AK5: variants seen among roughly 807,000 people sequenced by gnomAD.
AK5 encodes the protein adenylate kinase isoenzyme 5.
In AK5, 27 loss-of-function variants were observed where a neutral mutation model predicts 69.5. That is an observed-to-expected ratio of 0.39 (90% CI 0.29 to 0.54). The LOEUF (loss-of-function observed/expected upper bound fraction) is 0.54. Ranked by LOEUF, AK5 falls within the 20% of genes least tolerant of loss-of-function variation. The pLI is 0.71. For missense variants in AK5, 531 were observed against 700.4 expected (o/e 0.76, Z 2.73); for synonymous variants, 260 against 244.4 (o/e 1.06, Z -0.60).
chr1:77,390,551 C>T (rs1648352986), intron 6 of AK5, among the ~76,000 whole-genome samples: 1 of 151,996 alleles, frequency 6.6e-6, no homozygotes, highest in African/African-American at 2.4e-5. Flanking sequence ...AGGACAAGCC[C>T]AGACCACTTG....
intron 5 of AK5, among the ~76,000 whole-genome samples, chr1:77,333,207 C>G (rs1661177445): frequency 6.6e-6 from 1 of 152,076 alleles, no homozygotes. Flanking sequence ...TACTCTGTAT[C>G]AAACACCTCT....
chr1:77,401,514 A>T (rs993689111), intron 6 of AK5, among the ~76,000 whole-genome samples: 3 of 150,920 alleles, frequency 2.0e-5, no homozygotes, highest in Admixed American at 1.3e-4. Context: ...TGATTTCCCC[A>T]TCAAGAAGGA....
At position 77,459,397 on chromosome 1, in the gene AK5, C is replaced by A. The variant is rs537716371; in HGVS notation, c.1060-23920C>A. ...GGGGTTTGTCTTTGCCAATTTATTT[C>A]TCTGTGTGCCCCACCACCACCACTA... On this transcript the variant is annotated intron_variant, in intron 8 of 13. Transcript: ENST00000354567. Among the ~76,000 whole-genome samples, 20 of 152,264 alleles carry A rather than the reference C, an allele frequency of 1.3e-4. No individual in the cohort carries two copies. In the South Asian group the frequency reaches 4.1e-3, roughly 32 times the overall value.
At chr1:77,529,503 T>G (rs764460169) in intron 12 of AK5, among the ~76,000 whole-genome samples, 5 of 152,128 alleles carry the variant, frequency 3.3e-5, no homozygotes, top group African/African-American at 4.8e-5. Flanking sequence ...TTTTATATTT[T>G]TAGTAGAGAT....
intron 8 of AK5, among the ~76,000 whole-genome samples, chr1:77,421,131 C>A (rs1050565675): frequency 6.6e-6 from 1 of 152,152 alleles, no homozygotes; most frequent in Non-Finnish European, 1.5e-5. Flanking sequence ...TTTGCTGACT[C>A]CTGTCGTGAA....
intron 10 of AK5, among the ~76,000 whole-genome samples, chr1:77,493,998 G>C (rs535773092): frequency 1.4e-3 from 209 of 152,246 alleles, no homozygotes; most frequent in African/African-American, 4.9e-3. Context: ...GCTTATTATG[G>C]TCAAAGAACC....
At chr1:77,546,342 A>G (rs1035885624) in intron 13 of AK5, among the ~76,000 whole-genome samples, 1 of 152,232 alleles carries the variant, frequency 6.6e-6, no homozygotes, top group South Asian at 2.1e-4. Flanking sequence ...AAGAATTGGC[A>G]CCATTCTATG....
intron 3 of AK5, among the ~76,000 whole-genome samples, chr1:77,296,121 A>G (rs1658988093): frequency 6.6e-6 from 1 of 152,166 alleles, no homozygotes; most frequent in South Asian, 2.1e-4. Flanking sequence ...ATGGAATTAT[A>G]AAATAATTGT....
intron 13 of AK5, among the ~76,000 whole-genome samples, chr1:77,549,298 C>T (rs185752804): frequency 3.3e-5 from 5 of 152,112 alleles, no homozygotes; most frequent in Admixed American, 1.3e-4. Context: ...TTTATTTCTT[C>T]CTTAAAACTT....
At chr1:77,317,119 C>T (rs1035844233) in intron 5 of AK5, among the ~76,000 whole-genome samples, 1 of 152,182 alleles carries the variant, frequency 6.6e-6, no homozygotes, top group Non-Finnish European at 1.5e-5. Context: ...TTGCAGTAAT[C>T]TCAAAGTCTT....
intron 6 of AK5, among the ~76,000 whole-genome samples, chr1:77,351,279 C>G (rs767907237): frequency 6.6e-6 from 1 of 151,962 alleles, no homozygotes; most frequent in Admixed American, 6.6e-5. Context: ...CCTGCAGTCC[C>G]GGCTACTTGG....
chr1:77,515,831 G>A (rs985406791), intron 10 of AK5, among the ~76,000 whole-genome samples: 2 of 152,192 alleles, frequency 1.3e-5, no homozygotes, highest in South Asian at 2.1e-4. Context: ...TGAGAGGATC[G>A]CTTGAGGCCA....
intron 8 of AK5, among the ~76,000 whole-genome samples, chr1:77,436,617 ATC>A (rs1299844079): frequency 6.6e-6 from 1 of 151,846 alleles, no homozygotes; most frequent in East Asian, 1.9e-4. Flanking sequence ...CTTAATGAGT[ATC>A]TGTTACTTAA....
At chr1:77,484,780 A>G (rs982025708) in intron 9 of AK5, among the ~76,000 whole-genome samples, 2 of 152,246 alleles carry the variant, frequency 1.3e-5, no homozygotes, top group African/African-American at 2.4e-5. Flanking sequence ...CTATATATCT[A>G]TTTTTACATA....
intron 8 of AK5, among the ~76,000 whole-genome samples, chr1:77,421,874 C>T (rs1307761434): frequency 6.6e-6 from 1 of 152,186 alleles, no homozygotes. Context: ...CACATGTTCT[C>T]CTGTGAGAGG....
At chr1:77,500,364 G>A (rs1656639094) in intron 10 of AK5, among the ~76,000 whole-genome samples, 1 of 152,158 alleles carries the variant, frequency 6.6e-6, no homozygotes, top group African/African-American at 2.4e-5. Context: ...GGCACCATGA[G>A]GAAGCAAAGT....
intron 6 of AK5, among the ~76,000 whole-genome samples, chr1:77,367,569 A>ATATATAATATATATGT (rs1646980279): frequency 9.5e-5 from 3 of 31,640 alleles, no homozygotes; most frequent in African/African-American, 1.9e-4. Context: ...ATATATATAT[A>ATATATAATATATATGT]TATATATATA....
At chr1:77,453,497 G>T (rs1474862847) in intron 8 of AK5, among the ~76,000 whole-genome samples, 2 of 152,148 alleles carry the variant, frequency 1.3e-5, no homozygotes, top group Non-Finnish European at 2.9e-5. Flanking sequence ...AAGATTAGAA[G>T]ACTATTTATT....
intron 5 of AK5, among the ~76,000 whole-genome samples, chr1:77,334,248 A>G (rs1434146397): frequency 1.3e-5 from 2 of 152,192 alleles, no homozygotes; most frequent in Non-Finnish European, 2.9e-5. Context: ...GTTATTATAT[A>G]TCAACACTTT....
Sources: allele counts gnomAD v4.1 joint callset (sites outside exome capture counted in the v4.1 genomes callset), GRCh38; gene constraint gnomAD v4.1.1; transcripts MANE v1.5; gene names NCBI Gene and HGNC (gene_info 2026-07-23, HGNC 2026-07-21).